SS18: variants seen among roughly 807,000 people sequenced by gnomAD.
The protein encoded by SS18 is SS18 subunit of BAF chromatin remodeling complex.
Under a neutral mutation model 72.5 loss-of-function variants are expected in SS18, and 28 were observed. That is an observed-to-expected ratio of 0.39 (90% confidence interval 0.29 to 0.53). The LOEUF is 0.53. Ranked by LOEUF, SS18 falls within the 20% of genes least tolerant of loss-of-function variation. The pLI, the probability that SS18 is intolerant of heterozygous loss-of-function variation, is 0.76. For synonymous variants in SS18, 172 were observed against 164.2 expected (o/e 1.05, Z -0.37); for missense variants, 518 against 535.3 (o/e 0.97, Z 0.32).
intron 3 of SS18, among the ~76,000 whole-genome samples, chr18:26,069,269 A>G (rs2054271855): frequency 1.3e-5 from 2 of 152,218 alleles, no homozygotes; most frequent in East Asian, 1.9e-4. Context: ...AAAATATATA[A>G]TAAGTATTAT....
At chr18:26,058,042 A>T (rs2054055755) in intron 3 of SS18, among the ~76,000 whole-genome samples, 1 of 152,194 alleles carries the variant, frequency 6.6e-6, no homozygotes, top group African/African-American at 2.4e-5. Flanking sequence ...TTATGTGAAA[A>T]AAATTAAATG....
chr18:26,060,518 C>T (rs1051114849), intron 3 of SS18, among the ~76,000 whole-genome samples: 5 of 151,872 alleles, frequency 3.3e-5, no homozygotes, highest in Non-Finnish European at 7.4e-5. Flanking sequence ...GAATTCTGTA[C>T]TTTAAAATGG....
intron 4 of SS18, 119 bp downstream of exon 4, chr18:26,057,470 T>C (rs767563953): frequency 1.7e-6 from 2 of 1,160,410 alleles, no homozygotes; most frequent in Non-Finnish European, 1.3e-6. Flanking sequence ...CTAAGAGAGC[T>C]TGTACTCGGG....
rs998292056 is a variant in SS18, at chr18:26,052,560, A to C, written c.607+64T>G. The C allele has an allele frequency of 2.3e-6, 3 of 1,325,780 alleles. No homozygotes were observed. The African/African-American group carries it at 4.4e-5, about 19-fold the overall frequency. The allele number at this position is 1,325,780 out of a possible 1,614,324, so 82.1% of individuals were successfully genotyped here. A position where few individuals can be genotyped will look rare whatever the true frequency, so the allele number is the denominator to read the frequency against. ...ATGAACCAGCTAAGAACCTGACAAC[A>C]ATCATTTTACTTTTCAAAGGCTAAT... On this transcript the variant is annotated intron_variant, in intron 5 of 10. Coordinates refer to ENST00000415083, the MANE Select transcript of SS18 (RefSeq NM_001007559.3).
chr18:26,089,170 A>T (rs575307511), intron 1 of SS18, among the ~76,000 whole-genome samples: 3 of 152,250 alleles, frequency 2.0e-5, no homozygotes, highest in Non-Finnish European at 4.4e-5. Flanking sequence ...CCTCCGAATT[A>T]ATCATTATCC....
chr18:26,018,461 A>G, intron 10 of SS18, 81 bp from the exon 11 acceptor site: 1 of 1,117,680 alleles, frequency 8.9e-7, no homozygotes, highest in Admixed American at 2.3e-5. Context: ...ATCATTTCTA[A>G]CACTGTCATA....
chr18:26,061,518 A>C (rs1335021504), intron 3 of SS18, among the ~76,000 whole-genome samples: 1 of 152,226 alleles, frequency 6.6e-6, no homozygotes, highest in Admixed American at 6.5e-5. Context: ...TAAAAACTAA[A>C]GTCAGAAAAA....
In SS18 at chr18:26,035,021, T is replaced by C; in HGVS notation, c.1080A>G (p.Gly360=). 1 of 1,613,392 alleles carries C rather than the reference T, an allele frequency of 6.2e-7. No individual in the cohort carries two copies. The highest frequency in any genetic ancestry group is 1.3e-5 in the African/African-American group (1 of 74,992). ...QQYPGQQGYP[G]QQQGYGPSQG... ...AAGCTTTACCGTAGCCCTGCTGCTG[T>C]CCTGGGTAACCTTGCTGCCCTGGGT... Residue 360 remains glycine, a synonymous_variant, in exon 9 of 11, where the codon GGA becomes GGG. Coordinates refer to ENST00000415083, the MANE Select transcript of SS18 (RefSeq NM_001007559.3). The surrounding 1 kb of genome is among the most constrained non-coding windows in gnomAD (Gnocchi z 4.4).
intron 3 of SS18, among the ~76,000 whole-genome samples, chr18:26,071,647 A>G (rs190030899): frequency 1.0e-3 from 155 of 152,254 alleles, no homozygotes; most frequent in African/African-American, 3.5e-3. Context: ...CCCGGGCGAT[A>G]TAAGACCCCA....
intron 3 of SS18, among the ~76,000 whole-genome samples, chr18:26,061,087 G>T (rs1048425731): frequency 6.6e-6 from 1 of 152,224 alleles, no homozygotes. Flanking sequence ...GCTGAGGCAG[G>T]TGGATCACGA....
At chr18:26,069,507 T>TAA (rs11329781) in intron 3 of SS18, among the ~76,000 whole-genome samples, 6 of 86,000 alleles carry the variant, frequency 7.0e-5, no homozygotes, top group African/African-American at 1.0e-4. Flanking sequence ...CCTACCAAAG[T>TAA]AAAAAAAAAA....
At chr18:26,063,934 A>AG (rs1031883056) in intron 3 of SS18, among the ~76,000 whole-genome samples, 61 of 152,110 alleles carry the variant, frequency 4.0e-4, no homozygotes, top group Non-Finnish European at 5.9e-4. Context: ...AAAAATTAAA[A>AG]GGGGGGGCAT....
chr18:26,038,687 A>G (rs112231498), intron 6 of SS18, 28 bp from the exon 7 acceptor site: 1 of 1,559,878 alleles, frequency 6.4e-7, no homozygotes, highest in African/African-American at 1.4e-5. Context: ...GTCAAGATAT[A>G]AATAATGTGT....
chr18:26,043,486 T>C (rs1270682507), intron 5 of SS18, among the ~76,000 whole-genome samples: 1 of 152,218 alleles, frequency 6.6e-6, no homozygotes, highest in East Asian at 1.9e-4. Context: ...AACCATTTAA[T>C]CTCTAACCCA....
At chr18:26,067,399 T>C (rs77346677) in intron 3 of SS18, among the ~76,000 whole-genome samples, 1 of 152,212 alleles carries the variant, frequency 6.6e-6, no homozygotes, top group East Asian at 1.9e-4. Flanking sequence ...ATACTGGCTG[T>C]GAACTTTTTC....
At chr18:26,042,500 T>C (rs1168014707) in intron 5 of SS18, among the ~76,000 whole-genome samples, 4 of 152,136 alleles carry the variant, frequency 2.6e-5, no homozygotes, top group Non-Finnish European at 5.9e-5. Context: ...TTTTATATTC[T>C]AATAGATATT....
intron 10 of SS18, among the ~76,000 whole-genome samples, chr18:26,023,442 G>A (rs1305789708): frequency 6.6e-6 from 1 of 152,082 alleles, no homozygotes; most frequent in Non-Finnish European, 1.5e-5. Flanking sequence ...ATTTGGGCAA[G>A]AGAGAAATTT....
intron 5 of SS18, among the ~76,000 whole-genome samples, chr18:26,045,662 T>C (rs2053807191): frequency 6.6e-6 from 1 of 152,148 alleles, no homozygotes; most frequent in East Asian, 1.9e-4. Flanking sequence ...CCAAAGTGTC[T>C]ATAAAACCTT....
At chr18:26,082,026 T>C (rs2054533205) in intron 2 of SS18, among the ~76,000 whole-genome samples, 2 of 151,144 alleles carry the variant, frequency 1.3e-5, no homozygotes, top group Admixed American at 6.6e-5. Context: ...CCACTTGCAC[T>C]CCAGCCTGGG....
Sources: gnomAD v4.1 joint callset for allele counts (sites outside exome capture counted in the v4.1 genomes callset) on GRCh38, gnomAD v4.1.1 for gene constraint, Gnocchi (gnomAD v3.1) non-coding constraint, MANE v1.5 for transcripts, NCBI Gene and HGNC (gene_info 2026-07-23, HGNC 2026-07-21) for gene names.